Variants in FBXL13 observed in about 807,000 individuals in gnomAD.
The protein encoded by FBXL13 is F-box and leucine-rich repeat protein 13.
FBXL13 carries 67 observed loss-of-function variants against 83.6 expected under a neutral mutation model. That is an observed-to-expected ratio of 0.80 (90% CI 0.66 to 0.98). The LOEUF (loss-of-function observed/expected upper bound fraction) is 0.98, where lower values mean the gene tolerates loss of function less well. FBXL13 is among the 50% of genes least tolerant of loss of function. The pLI is 0.00. For synonymous variants in FBXL13, 272 were observed against 299.5 expected (o/e 0.91, Z 0.95); for missense variants, 822 against 866.5 (o/e 0.95, Z 0.64).
chr7:102,817,309 C>T (rs936728918), intron 19 of FBXL13, among the ~76,000 whole-genome samples: 18 of 151,926 alleles, frequency 1.2e-4, no homozygotes, highest in Admixed American at 5.3e-4. Flanking sequence ...CTGATTGGTG[C>T]GAGATGATAC....
At chr7:103,045,672 A>T (rs561667648) in intron 2 of FBXL13, among the ~76,000 whole-genome samples, 1 of 152,348 alleles carries the variant, frequency 6.6e-6, no homozygotes, top group African/African-American at 2.4e-5. Flanking sequence ...ATTATGTCAC[A>T]TTTAGCATAA....
intron 18 of FBXL13, among the ~76,000 whole-genome samples, chr7:102,826,769 A>ATATATGTATG (rs1414065543): frequency 3.0e-5 from 3 of 100,740 alleles, no homozygotes; most frequent in Admixed American, 2.4e-4. Context: ...ATATATATAT[A>ATATATGTATG]TATGTATATA....
At chr7:103,027,911 T>G (rs1014215773) in intron 4 of FBXL13, among the ~76,000 whole-genome samples, 4 of 152,210 alleles carry the variant, frequency 2.6e-5, no homozygotes, top group Non-Finnish European at 5.9e-5. Flanking sequence ...ATCCAATGCC[T>G]TTGAATTTAA....
At chr7:102,930,648 A>G (rs913180330) in intron 9 of FBXL13, among the ~76,000 whole-genome samples, 1 of 152,104 alleles carries the variant, frequency 6.6e-6, no homozygotes. Context: ...TCATTTTGTG[A>G]TACCTCTTCA....
chr7:102,957,485 C>A lies in FBXL13; in HGVS notation c.724+6048G>T, dbSNP rs141469250. Among the ~76,000 whole-genome samples the A allele has an allele frequency of 3.0e-3, 464 of 152,246 alleles. 9 individuals carry two copies. Among genetic ancestry groups the A allele is most frequent in the Admixed American group, 0.025 (386 of 15,284 alleles). On this transcript the variant is annotated intron_variant, in intron 8 of 19. Coordinates refer to ENST00000313221, the Ensembl canonical transcript of FBXL13. Reference sequence around the variant, plus strand: ...AGGACATAGGTATTGGCAAGGACTTCATGACTAAAACACCAAAAGCAATGG... The same window carrying A: ...AGGACATAGGTATTGGCAAGGACTTAATGACTAAAACACCAAAAGCAATGG...
At chr7:102,982,956 A>T (rs1020343305) in intron 6 of FBXL13, among the ~76,000 whole-genome samples, 1 of 152,152 alleles carries the variant, frequency 6.6e-6, no homozygotes, top group Non-Finnish European at 1.5e-5. Context: ...TTCTACCATT[A>T]TCCCATACCC....
chr7:102,918,496 TA>T (rs943937613), intron 10 of FBXL13, among the ~76,000 whole-genome samples: 1 of 152,200 alleles, frequency 6.6e-6, no homozygotes, highest in African/African-American at 2.4e-5. Context: ...TGTTTTAAGT[TA>T]AAAAATAATT....
At chr7:102,858,930 C>A (rs550467544) in intron 16 of FBXL13, among the ~76,000 whole-genome samples, 15 of 152,174 alleles carry the variant, frequency 9.9e-5, no homozygotes, top group African/African-American at 3.1e-4. Flanking sequence ...AGTGGTAGTT[C>A]CACCACAAAC....
At chr7:103,026,289 C>A (rs549608953) in intron 5 of FBXL13, among the ~76,000 whole-genome samples, 1 of 151,856 alleles carries the variant, frequency 6.6e-6, no homozygotes, top group South Asian at 2.1e-4. Context: ...CAGGGGCCCA[C>A]CACCATGCCT....
intron 11 of FBXL13, among the ~76,000 whole-genome samples, chr7:102,891,739 G>GGCTT (rs1210795544): frequency 6.6e-6 from 1 of 152,202 alleles, no homozygotes; most frequent in African/African-American, 2.4e-5. Flanking sequence ...ATGCCAGGAA[G>GGCTT]GCTTGCATGC....
chr7:103,017,889 G>A (rs1792572527), intron 6 of FBXL13, among the ~76,000 whole-genome samples: 1 of 152,184 alleles, frequency 6.6e-6, no homozygotes, highest in African/African-American at 2.4e-5. Context: ...AATCAAGTTG[G>A]AAAACACTCT....
At chr7:103,018,254 C>A (rs941760799) in intron 6 of FBXL13, among the ~76,000 whole-genome samples, 2 of 152,108 alleles carry the variant, frequency 1.3e-5, no homozygotes, top group East Asian at 1.9e-4. Context: ...AAATAAAATC[C>A]TTTACAGACA....
intron 11 of FBXL13, among the ~76,000 whole-genome samples, chr7:102,893,832 G>C (rs1349756034): frequency 6.7e-6 from 1 of 148,468 alleles, no homozygotes; most frequent in Non-Finnish European, 1.5e-5. Flanking sequence ...GGGAGAAGAA[G>C]GGGAAGGGAA....
chr7:103,055,236 A>G, intron 2 of FBXL13, 58 bp from the exon 3 acceptor site: 1 of 928,864 alleles, frequency 1.1e-6, no homozygotes, highest in Non-Finnish European at 1.5e-6. Flanking sequence ...TTAGTTCCGT[A>G]ATTAAATCAG....
At chr7:103,049,742 T>C (rs1436265083) in intron 2 of FBXL13, among the ~76,000 whole-genome samples, 2 of 152,188 alleles carry the variant, frequency 1.3e-5, no homozygotes, top group African/African-American at 4.8e-5. Flanking sequence ...TTTAATAAAG[T>C]CCTTTTAAAA....
At chr7:102,993,988 C>T (rs1201794059) in intron 6 of FBXL13, among the ~76,000 whole-genome samples, 1 of 152,214 alleles carries the variant, frequency 6.6e-6, no homozygotes, top group Middle Eastern at 3.2e-3. Flanking sequence ...ACCAAATTCA[C>T]ATCACATTTT....
intron 6 of FBXL13, chr7:102,975,977 TG>T: frequency 2.6e-6 from 2 of 766,216 alleles, no homozygotes; most frequent in Non-Finnish European, 4.8e-6. Flanking sequence ...AGTGCGGCAA[TG>T]AAGGCCACTG....
intron 6 of FBXL13, among the ~76,000 whole-genome samples, chr7:103,023,585 A>C (rs1793478102): frequency 6.6e-6 from 1 of 152,276 alleles, no homozygotes. Flanking sequence ...AGAACATAAA[A>C]CAGAATTGCC....
At chr7:102,937,347 A>AC (rs1820523358) in intron 8 of FBXL13, among the ~76,000 whole-genome samples, 1 of 149,756 alleles carries the variant, frequency 6.7e-6, no homozygotes, top group Non-Finnish European at 1.5e-5. Context: ...TAAAAATACA[A>AC]AAAAAAAAAA....
Sources: allele counts gnomAD v4.1 joint callset (sites outside exome capture counted in the v4.1 genomes callset), GRCh38; gene constraint gnomAD v4.1.1; transcripts MANE v1.5; gene names NCBI Gene and HGNC (gene_info 2026-07-23, HGNC 2026-07-21).